The following PATJ variants were observed in gnomAD, a reference collection of about 807,000 sequenced individuals.
PATJ encodes PATJ crumbs cell polarity complex component, also known as inaD-like protein.
A neutral mutation model predicts 224.9 loss-of-function variants in PATJ; 190 were observed. That is an observed-to-expected ratio of 0.84 (90% CI 0.75 to 0.95). The LOEUF is 0.95. Among genes scored for constraint, PATJ ranks in the 40% least tolerant of loss-of-function variants. The probability of loss-of-function intolerance (pLI) is 0.00; values close to 1 mark genes in which losing one functional copy is unlikely to be tolerated. For missense variants in PATJ, 2,121 were observed against 2,270.3 expected, an observed-to-expected ratio of 0.93 and a Z score of 1.34; for synonymous variants, 769 against 820.3, an observed-to-expected ratio of 0.94 and a Z score of 1.07.
At chr1:61,782,619 A>G (rs1647572621) in intron 7 of PATJ, among the ~76,000 whole-genome samples, 1 of 152,178 alleles carries the variant, frequency 6.6e-6, no homozygotes, top group South Asian at 2.1e-4. Context: ...ATCTAGTTAC[A>G]ATGTCCAATC....
chr1:62,027,377 TG>T (rs1230730769), intron 29 of PATJ, among the ~76,000 whole-genome samples: 1 of 152,238 alleles, frequency 6.6e-6, no homozygotes, highest in Non-Finnish European at 1.5e-5. Context: ...GATAGGTACT[TG>T]GGTTGCTTCC....
At chr1:61,784,938 C>T (rs115855979) in intron 7 of PATJ, among the ~76,000 whole-genome samples, 1,714 of 152,116 alleles carry the variant, frequency 0.011, 12 homozygotes, top group Non-Finnish European at 0.02. Flanking sequence ...ATTGCATTTC[C>T]GCTGCACCAC....
chr1:61,850,636 ATACT>A (rs1223152356), intron 17 of PATJ, among the ~76,000 whole-genome samples: 1 of 152,254 alleles, frequency 6.6e-6, no homozygotes, highest in Non-Finnish European at 1.5e-5. Context: ...CATTTAGCAA[ATACT>A]TAAGTTAGAG....
chr1:62,032,453 A>C (rs561242754), intron 29 of PATJ, among the ~76,000 whole-genome samples: 230 of 152,284 alleles, frequency 1.5e-3, no homozygotes, highest in Middle Eastern at 6.8e-3. Flanking sequence ...CAAACTGATA[A>C]TCTCCCTTTA....
chr1:61,808,456 T>C lies in PATJ; in HGVS notation c.1627-18T>C, dbSNP rs1427632546. On this transcript the variant is annotated intron_variant, in intron 13 of 43. Coordinates refer to ENST00000642238, the MANE Select transcript of PATJ (RefSeq NM_001350145.3). ...GTTATGCTTTTACAAATACTGGAAA[T>C]TTTTTTTGTAAATTTAGGTTGCTAC... 4.2e-5 allele frequency: 64 copies of C among 1,528,060 alleles called. No individual in the cohort carries two copies. The Admixed American group carries it at 1.0e-3, about 24-fold the overall frequency. The allele number at this position is 1,528,060 out of a possible 1,614,324, so 94.7% of individuals were successfully genotyped here.
At chr1:61,989,597 A>G (rs993465446) in intron 27 of PATJ, among the ~76,000 whole-genome samples, 5 of 152,140 alleles carry the variant, frequency 3.3e-5, no homozygotes, top group African/African-American at 1.2e-4. Context: ...TCTAAGACCA[A>G]ATACTTTGCT....
chr1:61,974,968 A>G lies in PATJ; in HGVS notation c.3671-15200A>G, dbSNP rs78375453. Among the ~76,000 whole-genome samples the G allele has an allele frequency of 8.5e-3, 1,287 of 151,916 alleles. 8 individuals are homozygous for G. Among genetic ancestry groups the G allele is most frequent in the Middle Eastern group, 0.017 (5 of 294 alleles). On this transcript the variant is annotated intron_variant, in intron 27 of 43. Coordinates refer to ENST00000642238, the MANE Select transcript of PATJ (RefSeq NM_001350145.3). Reference sequence around the variant, plus strand: ...TGTTTTGTTTTGTTTTGTTTTTGACAGAGTTTCATTCTGTTGCCCAGGCTG... The same window carrying G: ...TGTTTTGTTTTGTTTTGTTTTTGACGGAGTTTCATTCTGTTGCCCAGGCTG...
chr1:62,039,105 C>A (rs1650991122), intron 30 of PATJ: 1 of 699,126 alleles, frequency 1.4e-6, no homozygotes, highest in Admixed American at 1.8e-5. Flanking sequence ...ACAAAATGGC[C>A]TCTTGATGGC....
intron 17 of PATJ, among the ~76,000 whole-genome samples, chr1:61,850,290 C>T (rs1662612381): frequency 6.6e-6 from 1 of 152,182 alleles, no homozygotes; most frequent in Non-Finnish European, 1.5e-5. Flanking sequence ...TCATATAATA[C>T]ATTTTATAGA....
At chr1:61,871,929 C>T (rs1666698022) in intron 20 of PATJ, among the ~76,000 whole-genome samples, 2 of 147,576 alleles carry the variant, frequency 1.4e-5, no homozygotes, top group Non-Finnish European at 3.0e-5. Context: ...TGGTCTTGAA[C>T]TCCTGACCTC....
chr1:61,805,377 G>C, intron 12 of PATJ, 71 bp from the exon 13 acceptor site: 1 of 897,196 alleles, frequency 1.1e-6, no homozygotes, highest in Non-Finnish European at 1.8e-6. Flanking sequence ...GAAGAATTTA[G>C]CAGTTAAGTG....
chr1:61,775,079 T>G, intron 6 of PATJ, 127 bp from the exon 7 acceptor site: 1 of 932,924 alleles, frequency 1.1e-6, no homozygotes, highest in South Asian at 1.9e-5. Context: ...TGTAGAACAT[T>G]GCCTTGATTA....
chr1:61,963,131 AGGATTTCCACTG>A (rs148079788), intron 27 of PATJ, among the ~76,000 whole-genome samples: 20,353 of 152,216 alleles, frequency 0.13, 1,826 homozygotes, highest in Middle Eastern at 0.22. Flanking sequence ...ACAAATTAGC[AGGATTTCCACTG>A]GTAGGTTAAA....
chr1:61,758,186 T>C (rs1645757352), intron 1 of PATJ, among the ~76,000 whole-genome samples: 2 of 152,200 alleles, frequency 1.3e-5, no homozygotes, highest in African/African-American at 2.4e-5. Flanking sequence ...CAGACACAGA[T>C]GAGCATTCCT....
intron 7 of PATJ, among the ~76,000 whole-genome samples, chr1:61,781,290 G>C (rs555934425): frequency 6.6e-6 from 1 of 152,282 alleles, no homozygotes; most frequent in Admixed American, 6.5e-5. Context: ...ATCTCTTCTA[G>C]GGCATATGGT....
Position 61,973,076 on chromosome 1 carries a change from TA to T in PATJ, c.3671-17091del, listed in dbSNP as rs1419019905. Among the ~76,000 whole-genome samples the T allele has an allele frequency of 2.6e-5, 4 of 152,214 alleles. No individual in the cohort carries two copies. The East Asian group carries it at 5.8e-4, about 22-fold the overall frequency. On this transcript the variant is annotated intron_variant, in intron 27 of 43. Coordinates refer to ENST00000642238, the MANE Select transcript of PATJ (RefSeq NM_001350145.3). Reference sequence around the variant, plus strand: ...TAAAAGTGTATTAATTAGAAATTTTTATTAATAAATAGCCTGTTTCTTGACC... The same window carrying T: ...TAAAAGTGTATTAATTAGAAATTTTTTTAATAAATAGCCTGTTTCTTGACC...
intron 22 of PATJ, among the ~76,000 whole-genome samples, chr1:61,889,104 T>C (rs1405331703): frequency 1.3e-5 from 2 of 152,226 alleles, no homozygotes; most frequent in African/African-American, 4.8e-5. Context: ...GCATAGATTA[T>C]TTTAGATGAT....
At chr1:62,112,432 G>A (rs1367746675) in intron 34 of PATJ, among the ~76,000 whole-genome samples, 1 of 152,198 alleles carries the variant, frequency 6.6e-6, no homozygotes, top group Non-Finnish European at 1.5e-5. Context: ...CTTGAAACCG[G>A]AAAGCGGAGG....
At chr1:62,121,371 C>T in intron 38 of PATJ, 76 bp downstream of exon 38, 7 of 887,984 alleles carry the variant, frequency 7.9e-6, no homozygotes, top group Non-Finnish European at 1.1e-5. Flanking sequence ...TTTTAAAAAC[C>T]AGTCTTCTTT....
Sources: gnomAD v4.1 joint callset for allele counts (sites outside exome capture counted in the v4.1 genomes callset) on GRCh38, gnomAD v4.1.1 for gene constraint, MANE v1.5 for transcripts, NCBI Gene and HGNC (gene_info 2026-07-23, HGNC 2026-07-21) for gene names.